Variants in BCAS3 observed in about 807,000 individuals in gnomAD.
BCAS3 encodes BCAS4/BCAS3 fusion.
A neutral mutation model predicts 116.1 loss-of-function variants in BCAS3; 53 were observed. The observed-to-expected ratio is 0.46, with a 90% CI of 0.37 to 0.57. The LOEUF (loss-of-function observed/expected upper bound fraction) is 0.57. BCAS3 is among the 20% of genes least tolerant of loss of function. The probability of loss-of-function intolerance (pLI) is 0.00; values close to 1 mark genes in which losing one functional copy is unlikely to be tolerated. For synonymous variants in BCAS3, 391 were observed against 408.2 expected, an observed-to-expected ratio of 0.96 and a Z score of 0.51; for missense variants, 917 against 1,165.4, an observed-to-expected ratio of 0.79 and a Z score of 3.10.
chr17:61,028,969 A>G lies in BCAS3; in HGVS notation c.1638-5697A>G, dbSNP rs2066448713. ...GAATATAAATTTGACAACTTCTTCCATTTTGTTTATAAGAGCTCCTTTGTT... is the reference window on the plus strand; with the variant it reads ...GAATATAAATTTGACAACTTCTTCCGTTTTGTTTATAAGAGCTCCTTTGTT... On this transcript the variant is annotated intron_variant, in intron 16 of 23. Transcript: ENST00000407086. This position sits in a 1 kb window ranked among gnomAD's most constrained non-coding sequence, Gnocchi z 4.3. Among the ~76,000 whole-genome samples the G allele has an allele frequency of 6.6e-6, 1 of 151,848 alleles. No homozygotes were observed. The highest frequency in any genetic ancestry group is 2.1e-4 in the South Asian group (1 of 4,826).
Position 61,128,089 on chromosome 17 carries a change from C to A in BCAS3, c.2425+43525C>A. On this transcript the variant is annotated intron_variant, in intron 22 of 23. Transcript: ENST00000407086. This position sits in a 1 kb window ranked among gnomAD's most constrained non-coding sequence, Gnocchi z 4.1. ...ATTAAGGAGTTTGAATGTAATTACC[C>A]AAAGTTTGGCTTTTCTTTTAAAGAA... is the stretch of plus-strand genomic sequence containing the variant. 1 of 663,716 alleles carries A rather than the reference C, an allele frequency of 1.5e-6. No individual in the cohort carries two copies. The highest frequency in any genetic ancestry group is 1.9e-6 in the Non-Finnish European group (1 of 536,718). The allele number at this position is 663,716 out of a possible 1,614,324, so 41.1% of individuals were successfully genotyped here.
chr17:60,702,871 G>A (rs561848259), intron 4 of BCAS3, among the ~76,000 whole-genome samples: 9 of 152,198 alleles, frequency 5.9e-5, no homozygotes, highest in South Asian at 4.2e-4. Flanking sequence ...GATTACAGGC[G>A]TGAGCCACCA....
At chr17:60,860,285 A>G (rs1312683206) in intron 7 of BCAS3, among the ~76,000 whole-genome samples, 2 of 152,136 alleles carry the variant, frequency 1.3e-5, no homozygotes, top group South Asian at 2.1e-4. Context: ...CTTGTTGGCC[A>G]TGTGTATGTC....
intron 16 of BCAS3, chr17:61,027,420 A>G (rs1379063374): frequency 6.8e-6 from 3 of 440,630 alleles, no homozygotes; most frequent in African/African-American, 4.1e-5. Context: ...ATGACAAAAT[A>G]TATATTTTAC....
chr17:61,366,592 C>T lies in BCAS3; in HGVS notation c.2426-1735C>T, dbSNP rs771738403. 6.6e-6 allele frequency among the ~76,000 whole-genome samples: 1 copy of T among 152,198 alleles called. No individual in the cohort carries two copies. Among genetic ancestry groups the T allele is most frequent in the South Asian group, 2.1e-4 (1 of 4,826 alleles). On this transcript the variant is annotated intron_variant, in intron 22 of 23. Transcript: ENST00000407086. The surrounding 1 kb of genome is among the most constrained non-coding windows in gnomAD (Gnocchi z 4.5). ...GAGAATTATCTGACACCCAGCCGTG[C>T]ACCCCCATTTTCCAGAGCCTAGCTT...
At chr17:60,681,638 G>A (rs1598002288) in intron 2 of BCAS3, among the ~76,000 whole-genome samples, 3 of 148,374 alleles carry the variant, frequency 2.0e-5, no homozygotes, top group African/African-American at 5.0e-5. Context: ...TGCAACCTCC[G>A]CCTTCTGGGT....
rs937492117 is a variant in BCAS3 at position 61,144,661 on chromosome 17, T to C, written c.2425+60097T>C. 6.6e-6 allele frequency among the ~76,000 whole-genome samples: 1 copy of C among 152,222 alleles called. No homozygotes were observed. The highest frequency in any genetic ancestry group is 1.5e-5 in the Non-Finnish European group (1 of 68,040). ...AAAGTAGTCATTTAACAATACAATA[T>C]TTCTCTCGTGTTCTTGAGCATGTAT... On this transcript the variant is annotated intron_variant, in intron 22 of 23. Transcript: ENST00000407086. The surrounding 1 kb of genome is among the most constrained non-coding windows in gnomAD (Gnocchi z 5.0).
chr17:61,042,164 G>GA (rs2067565270), intron 19 of BCAS3, among the ~76,000 whole-genome samples: 1 of 151,820 alleles, frequency 6.6e-6, no homozygotes, highest in Admixed American at 6.6e-5. Flanking sequence ...ATATGAACTG[G>GA]AAAAATACAT....
At chr17:61,016,759 T>A (rs1452214878) in intron 16 of BCAS3, among the ~76,000 whole-genome samples, 1 of 152,158 alleles carries the variant, frequency 6.6e-6, no homozygotes, top group Non-Finnish European at 1.5e-5. Flanking sequence ...CCTCAAACAG[T>A]CCTCAAGTTC....
rs1015053117 is a variant in BCAS3 at position 61,224,534 on chromosome 17, C to T, written c.2425+139970C>T. 6.6e-6 allele frequency among the ~76,000 whole-genome samples: 1 copy of T among 152,146 alleles called. No homozygotes were observed. On this transcript the variant is annotated intron_variant, in intron 22 of 23. Coordinates refer to ENST00000407086, the MANE Select transcript of BCAS3 (RefSeq NM_017679.5). The surrounding 1 kb of genome is among the most constrained non-coding windows in gnomAD (Gnocchi z 5.7). ...TGTGGCAAGGACAGCAAAAGGAGAT[C>T]CAGTCTGAGAAATAAGACTATACAG...
chr17:61,366,075 A>G lies in BCAS3; in HGVS notation c.2426-2252A>G, dbSNP rs1442341649. Among the ~76,000 whole-genome samples, 1 of 151,818 alleles carries G rather than the reference A, an allele frequency of 6.6e-6. No homozygotes were observed. Among genetic ancestry groups the G allele is most frequent in the Non-Finnish European group, 1.5e-5 (1 of 67,966 alleles). On this transcript the variant is annotated intron_variant, in intron 22 of 23. Coordinates refer to ENST00000407086, the MANE Select transcript of BCAS3 (RefSeq NM_017679.5). This position sits in a 1 kb window ranked among gnomAD's most constrained non-coding sequence, Gnocchi z 4.5. The stretch of plus-strand genomic sequence containing the variant: ...CGAGAATCGCCTGGACCCAGGAGGC[A>G]GAGGTTGCCGTGAGCCAAGATCATA...
At chr17:60,902,593 C>T in intron 10 of BCAS3, 27 bp from the exon 11 acceptor site, 1 of 1,547,794 alleles carries the variant, frequency 6.5e-7, no homozygotes. Flanking sequence ...AAATGACGTT[C>T]TGCTTCTCTC....
At chr17:61,338,885 TG>T (rs200744995) in intron 22 of BCAS3, among the ~76,000 whole-genome samples, 79 of 74,288 alleles carry the variant, frequency 1.1e-3, no homozygotes, top group African/African-American at 3.6e-3. Context: ...GTGCCCTTAC[TG>T]GGAAAAAAAA....
chr17:60,877,694 T>G (rs954831251), intron 9 of BCAS3, among the ~76,000 whole-genome samples: 25 of 152,190 alleles, frequency 1.6e-4, no homozygotes, highest in African/African-American at 6.0e-4. Context: ...AGAAGGTACT[T>G]TAAAAGTGAA....
At chr17:61,100,514 A>T (rs561425930) in intron 22 of BCAS3, among the ~76,000 whole-genome samples, 44 of 151,992 alleles carry the variant, frequency 2.9e-4, no homozygotes, top group Non-Finnish European at 5.4e-4. Flanking sequence ...TTACTTTCTC[A>T]TGTGTTCTTA....
intron 6 of BCAS3, among the ~76,000 whole-genome samples, chr17:60,761,451 G>A (rs2043522775): frequency 6.6e-6 from 1 of 151,968 alleles, no homozygotes; most frequent in Non-Finnish European, 1.5e-5. Context: ...GTGAGAATAT[G>A]CAGTGTTTGG....
At chr17:61,319,856 T>A (rs2055048326) in intron 22 of BCAS3, among the ~76,000 whole-genome samples, 1 of 151,546 alleles carries the variant, frequency 6.6e-6, no homozygotes, top group African/African-American at 2.4e-5. Context: ...TAGTCTTTTT[T>A]CTTTTTCTTT....
Position 61,078,457 on chromosome 17 carries a change from C to G in BCAS3, c.2255C>G (p.Ser752Cys). Reference sequence around the variant, plus strand: ...TCATCCAGTTCATCTGTGTTGCAGTCTCATGGTCCGAGTGACACGCCACAG... The same window carrying G: ...TCATCCAGTTCATCTGTGTTGCAGTGTCATGGTCCGAGTGACACGCCACAG... ...VISSSSSVLQ[S>C]HGPSDTPQPL... Residue 752 changes from serine (S) to cysteine (C), a missense_variant, in exon 21 of 24, where the codon TCT becomes TGT. Ser to Cys is a moderately radical substitution (Grantham distance 112). Transcript: ENST00000407086. 6.2e-7 allele frequency: 1 copy of G among 1,614,168 alleles called. No individual in the cohort carries two copies. Among genetic ancestry groups the G allele is most frequent in the Non-Finnish European group, 8.5e-7 (1 of 1,180,022 alleles).
rs1465405401 is a variant in BCAS3 at position 60,792,324 on chromosome 17, C to T, written c.404-15680C>T. Among the ~76,000 whole-genome samples the T allele has an allele frequency of 3.3e-5, 5 of 152,324 alleles. No individual in the cohort carries two copies. The East Asian group carries it at 9.7e-4, about 29-fold the overall frequency. Reference sequence around the variant, plus strand: ...TCGTGCATGGGCCTCGTGCTGGCACCTCGAGCTGCCCGCCCTGCCATAGCC... The same window carrying T: ...TCGTGCATGGGCCTCGTGCTGGCACTTCGAGCTGCCCGCCCTGCCATAGCC... On this transcript the variant is annotated intron_variant, in intron 6 of 23. Transcript: ENST00000407086.
Sources: allele counts gnomAD v4.1 joint callset (sites outside exome capture counted in the v4.1 genomes callset), GRCh38; gene constraint gnomAD v4.1.1; non-coding constraint Gnocchi (gnomAD v3.1); transcripts MANE v1.5; gene names NCBI Gene and HGNC (gene_info 2026-07-23, HGNC 2026-07-21).